KLF17: variants seen among roughly 807,000 people sequenced by gnomAD.
KLF17 encodes Krueppel-like factor 17.
In KLF17, 31 loss-of-function variants were observed where a neutral mutation model predicts 34.2. The ratio of observed to expected loss-of-function variants is 0.91; its 90% CI spans 0.68 to 1.22. The LOEUF is 1.22. KLF17 is among the 50% of genes most tolerant of loss of function. The pLI, the probability that KLF17 is intolerant of heterozygous loss-of-function variation, is 0.00. For synonymous variants in KLF17, 179 were observed against 186.7 expected (o/e 0.96, Z 0.34); for missense variants, 478 against 505.2 (o/e 0.95, Z 0.52).
At chr1:44,120,398 G>A (rs2087932933) in intron 1 of KLF17, among the ~76,000 whole-genome samples, 1 of 152,234 alleles carries the variant, frequency 6.6e-6, no homozygotes, top group Non-Finnish European at 1.5e-5. Context: ...AAGAAACTGT[G>A]AAGGAGGGGG....
At chr1:44,100,107 CACACACACAA>C in the KLF17 span, among the ~76,000 whole-genome samples, 9 of 133,240 alleles carry the variant, frequency 6.8e-5, no homozygotes, top group African/African-American at 2.3e-4. Flanking sequence ...CACACACACA[CACACACACAA>C]ATTAGCTGGG....
At position 44,134,124 on chromosome 1, in the gene KLF17, C is replaced by T. The variant is rs112054852; in HGVS notation, c.*887C>T. ...CCTAGCATTTTCACCAAGAAGTGGA[C>T]GTGGAGAGGACCAGAGTGATCAAGG... On this transcript the variant is annotated 3_prime_UTR_variant, in exon 4 of 4. Transcript: ENST00000372299. 1,770 of 152,244 alleles carry T rather than the reference C, an allele frequency of 0.012. 24 individuals are homozygous for T. The highest frequency in any genetic ancestry group is 0.031 in the South Asian group (151 of 4,816). The allele number at this position is 152,244 out of a possible 1,614,324, so 9.4% of individuals were successfully genotyped here. A position where few individuals can be genotyped will look rare whatever the true frequency, so the allele number is the denominator to read the frequency against.
At chr1:44,100,977 T>TA in the KLF17 span, among the ~76,000 whole-genome samples, 1 of 152,226 alleles carries the variant, frequency 6.6e-6, no homozygotes, top group Non-Finnish European at 1.5e-5. Flanking sequence ...TGGAGTACTA[T>TA]AAACATTGAC....
the KLF17 span, chr1:44,103,835 G>A: frequency 6.3e-6 from 5 of 797,750 alleles, no homozygotes; most frequent in Non-Finnish European, 1.1e-5. Flanking sequence ...GGAGCCCACT[G>A]ATGTTCCAGT....
At chr1:44,084,273 G>A in the KLF17 span, among the ~76,000 whole-genome samples, 17 of 152,280 alleles carry the variant, frequency 1.1e-4, no homozygotes, top group African/African-American at 3.9e-4. Context: ...GAGCAGTGAT[G>A]GGATTAGTGT....
intron 1 of KLF17, chr1:44,122,345 T>C (rs1020320383): frequency 6.2e-7 from 1 of 1,607,384 alleles, no homozygotes; most frequent in African/African-American, 1.3e-5. Flanking sequence ...TACTCAGCGT[T>C]TCCAGCTGTA....
At chr1:44,127,770 CTTTCTTTCTTCTCT>C (rs1322546485) in intron 1 of KLF17, among the ~76,000 whole-genome samples, 1 of 128,674 alleles carries the variant, frequency 7.8e-6, no homozygotes, top group Non-Finnish European at 1.7e-5. Context: ...TTCTTCTCTT[CTTTCTTTCTTCTCT>C]TTTCTTTCTT....
At chr1:44,052,720 T>C in the KLF17 span, among the ~76,000 whole-genome samples, 1 of 152,098 alleles carries the variant, frequency 6.6e-6, no homozygotes, top group South Asian at 2.1e-4. Context: ...AAAACCCCCA[T>C]AGAGAGCCTT....
the KLF17 span, among the ~76,000 whole-genome samples, chr1:44,068,293 C>T: frequency 6.6e-6 from 1 of 152,194 alleles, no homozygotes; most frequent in Non-Finnish European, 1.5e-5. Flanking sequence ...GCTGGGATTA[C>T]AGGTGTGAGC....
At chr1:44,065,328 C>A in the KLF17 span, among the ~76,000 whole-genome samples, 1 of 148,374 alleles carries the variant, frequency 6.7e-6, no homozygotes, top group African/African-American at 2.5e-5. Flanking sequence ...TTAAGTAATA[C>A]AAGCCAGAAT....
the KLF17 span, among the ~76,000 whole-genome samples, chr1:44,084,586 G>A: frequency 6.6e-6 from 1 of 151,718 alleles, no homozygotes; most frequent in East Asian, 1.9e-4. Context: ...AGGCTGAGGT[G>A]GGAGGATGAT....
upstream of KLF17, chr1:44,114,683 G>T (rs1158896627): frequency 6.6e-6 from 1 of 152,132 alleles, no homozygotes; most frequent in Non-Finnish European, 1.5e-5. Flanking sequence ...GCTAGAAGGG[G>T]TGCATATCTA....
chr1:44,132,543 C>T (rs2088123816), intron 3 of KLF17, among the ~76,000 whole-genome samples: 1 of 152,138 alleles, frequency 6.6e-6, no homozygotes, highest in African/African-American at 2.4e-5. Context: ...TACGTTACTT[C>T]CCATTCTTTC....
At chr1:44,072,246 T>A in the KLF17 span, among the ~76,000 whole-genome samples, 1 of 150,846 alleles carries the variant, frequency 6.6e-6, no homozygotes, top group Non-Finnish European at 1.5e-5. Context: ...GAAGTGTGGG[T>A]TTGGGTGGGA....
the KLF17 span, among the ~76,000 whole-genome samples, chr1:44,111,751 G>T: frequency 1.3e-5 from 2 of 152,172 alleles, 1 homozygote; most frequent in Middle Eastern, 6.8e-3. Context: ...AAATTAGCTG[G>T]GTGTGGTGGC....
chr1:44,096,487 C>T, the KLF17 span, among the ~76,000 whole-genome samples: 1 of 151,578 alleles, frequency 6.6e-6, no homozygotes, highest in South Asian at 2.1e-4. Context: ...CAAGCTCCGC[C>T]TCCCAGGTTC....
chr1:44,086,052 G>T, the KLF17 span, among the ~76,000 whole-genome samples: 1 of 152,210 alleles, frequency 6.6e-6, no homozygotes, highest in Non-Finnish European at 1.5e-5. Context: ...GGAAGCAAGA[G>T]CAGACTAGCC....
chr1:44,099,850 AAAG>A, the KLF17 span, among the ~76,000 whole-genome samples: 12 of 49,042 alleles, frequency 2.4e-4, no homozygotes, highest in South Asian at 8.6e-4. Context: ...AGAAAGAAAG[AAAG>A]AAAGAAAGAA....
the KLF17 span, among the ~76,000 whole-genome samples, chr1:44,078,774 G>A: frequency 6.6e-6 from 1 of 152,100 alleles, no homozygotes; most frequent in Non-Finnish European, 1.5e-5. Flanking sequence ...ATGCCAGCAG[G>A]CAGCTTCCCA....
Sources: gnomAD v4.1 joint callset for allele counts (sites outside exome capture counted in the v4.1 genomes callset) on GRCh38, gnomAD v4.1.1 for gene constraint, MANE v1.5 for transcripts, NCBI Gene and HGNC (gene_info 2026-07-23, HGNC 2026-07-21) for gene names.